Variants in NUDCD3 observed in about 807,000 individuals in gnomAD.
NUDCD3 encodes nudC domain-containing protein 3.
In NUDCD3, 13 loss-of-function variants were observed where a neutral mutation model predicts 39.7. The observed-to-expected ratio is 0.33, with a 90% CI of 0.21 to 0.52. The LOEUF is 0.52. NUDCD3 is among the 20% of genes least tolerant of loss of function. NUDCD3 has a pLI of 0.96. For synonymous variants in NUDCD3, 175 were observed against 172.4 expected (o/e 1.02, Z -0.12); for missense variants, 453 against 458.1 (o/e 0.99, Z 0.10).
At position 44,485,042 on chromosome 7, in the gene NUDCD3, A is replaced by G. The variant is rs755530160; in HGVS notation, c.435T>C (p.Gly145=). The change falls in exon 2 of 6, where the codon GGT becomes GGC. Residue 145 remains glycine, a synonymous_variant. Coordinates refer to ENST00000355451, the MANE Select transcript of NUDCD3 (RefSeq NM_015332.4). ...CTCCTGGAGCTTCTGCCTCCTGTGAACCATGGGCCATTTCCTTCACAGGGC... is the reference window on the plus strand; with the variant it reads ...CTCCTGGAGCTTCTGCCTCCTGTGAGCCATGGGCCATTTCCTTCACAGGGC... The part of the protein sequence containing the change: ...PPGPVKEMAH[G]SQEAEAPGAV... 1.1e-5 allele frequency: 17 copies of G among 1,614,082 alleles called. No individual in the cohort carries two copies. In the Admixed American group the frequency reaches 2.2e-4, roughly 21 times the overall value.
chr7:44,460,754 GAA>G (rs1354304515), intron 2 of NUDCD3, among the ~76,000 whole-genome samples: 1 of 152,126 alleles, frequency 6.6e-6, no homozygotes, highest in Non-Finnish European at 1.5e-5. Context: ...TGGGGGGAAA[GAA>G]AGAGAAAACA....
rs373686479 is a variant in NUDCD3, at chr7:44,488,080, T to C, written c.192+2329A>G. ...GGCCAGGCGCAGTGGCTCACACCTGTAATCCTAGCACTTTAGGAGGCCGAG... is the reference window on the plus strand; with the variant it reads ...GGCCAGGCGCAGTGGCTCACACCTGCAATCCTAGCACTTTAGGAGGCCGAG... On this transcript the variant is annotated intron_variant, in intron 1 of 5. Coordinates refer to ENST00000355451, the MANE Select transcript of NUDCD3 (RefSeq NM_015332.4). 5.9e-5 allele frequency among the ~76,000 whole-genome samples: 9 copies of C among 152,264 alleles called. No homozygotes were observed. In the East Asian group the frequency reaches 9.6e-4, roughly 16 times the overall value.
At chr7:44,461,900 C>T (rs1395470436) in intron 2 of NUDCD3, among the ~76,000 whole-genome samples, 2 of 151,966 alleles carry the variant, frequency 1.3e-5, no homozygotes, top group Non-Finnish European at 2.9e-5. Flanking sequence ...GGAGGTGGAC[C>T]GTGTAAAAGC....
At chr7:44,443,622 G>A (rs988419095) in intron 2 of NUDCD3, among the ~76,000 whole-genome samples, 2 of 152,140 alleles carry the variant, frequency 1.3e-5, no homozygotes, top group African/African-American at 4.8e-5. Context: ...TGTTGGCCAG[G>A]CTGGTCTCGA....
At chr7:44,396,127 T>TGTGTGTGTGTGTG (rs1563164537) in intron 4 of NUDCD3, among the ~76,000 whole-genome samples, 2 of 124,628 alleles carry the variant, frequency 1.6e-5, no homozygotes, top group Admixed American at 8.2e-5. Flanking sequence ...GTGTGTGTGT[T>TGTGTGTGTGTGTG]TAATTACAGC....
chr7:44,404,656 G>A (rs1798783960), intron 3 of NUDCD3, 73 bp from the exon 4 acceptor site: 1 of 1,533,522 alleles, frequency 6.5e-7, no homozygotes, highest in East Asian at 2.3e-5. Flanking sequence ...TGGGAGTGGT[G>A]ATGGTTTCCA....
In NUDCD3 at chr7:44,490,483, AGTCTGTCTTGCG is replaced by A; in HGVS notation, c.106_117del (p.Arg36_Asp39del). On this transcript the variant is annotated inframe_deletion, in exon 1 of 6. Transcript: ENST00000355451. ...GATGGGTGGCGCAGCAAGCGATAGA[AGTCTGTCTTGCG>A]GTAGAGGAAGCCAAAGAGAACGCGC... 6.2e-7 allele frequency: 1 copy of A among 1,608,038 alleles called. No homozygotes were observed.
At chr7:44,403,351 G>A (rs1244961942) in intron 4 of NUDCD3, among the ~76,000 whole-genome samples, 1 of 152,206 alleles carries the variant, frequency 6.6e-6, no homozygotes, top group Non-Finnish European at 1.5e-5. Flanking sequence ...CCCTGCTTAG[G>A]ATGAAACACT....
chr7:44,440,187 A>G (rs1799549689), intron 2 of NUDCD3, among the ~76,000 whole-genome samples: 1 of 152,238 alleles, frequency 6.6e-6, no homozygotes. Flanking sequence ...CGTCACAGTA[A>G]TAATTCATGT....
At chr7:44,451,603 C>T (rs770252299) in intron 2 of NUDCD3, among the ~76,000 whole-genome samples, 30 of 151,858 alleles carry the variant, frequency 2.0e-4, no homozygotes, top group African/African-American at 4.4e-4. Flanking sequence ...AAAACAGAGC[C>T]GTGGTTGCCT....
At chr7:44,479,022 A>G (rs900435073) in intron 2 of NUDCD3, among the ~76,000 whole-genome samples, 1 of 152,226 alleles carries the variant, frequency 6.6e-6, no homozygotes, top group Non-Finnish European at 1.5e-5. Context: ...AAGTAAACAC[A>G]TCCTTCTTCA....
chr7:44,458,905 T>C (rs1361448272), intron 2 of NUDCD3, among the ~76,000 whole-genome samples: 2 of 149,828 alleles, frequency 1.3e-5, no homozygotes, highest in Non-Finnish European at 3.0e-5. Context: ...CTCAGTATAC[T>C]GACACTGGCT....
intron 1 of NUDCD3, 151 bp downstream of exon 1, chr7:44,490,258 G>T: frequency 2.8e-6 from 2 of 724,400 alleles, no homozygotes; most frequent in South Asian, 2.0e-5. Context: ...TCCAATCCGC[G>T]CTTCAAATTA....
intron 2 of NUDCD3, among the ~76,000 whole-genome samples, chr7:44,438,189 C>T (rs529293756): frequency 5.9e-5 from 9 of 152,192 alleles, no homozygotes; most frequent in African/African-American, 1.9e-4. Flanking sequence ...GAGACCCCCC[C>T]ATCTCTTAAA....
intron 3 of NUDCD3, among the ~76,000 whole-genome samples, chr7:44,417,855 G>A (rs1235422673): frequency 6.6e-6 from 1 of 152,124 alleles, no homozygotes; most frequent in East Asian, 1.9e-4. Flanking sequence ...TATGATTCTA[G>A]AGGTCACCAG....
Position 44,475,236 on chromosome 7 carries a change from C to T in NUDCD3, c.509+9732G>A, listed in dbSNP as rs1304898761. Among the ~76,000 whole-genome samples, 4 of 151,924 alleles carry T rather than the reference C, an allele frequency of 2.6e-5. No individual in the cohort carries two copies. The East Asian group carries it at 5.8e-4, about 22-fold the overall frequency. ...AAGCAATTCTTCTGCCTCAGCTTCC[C>T]GAGTAGCTGGGACTACAGGCATGCA... On this transcript the variant is annotated intron_variant, in intron 2 of 5. Transcript: ENST00000355451.
chr7:44,481,858 C>A (rs1243766458), intron 2 of NUDCD3, among the ~76,000 whole-genome samples: 1 of 152,094 alleles, frequency 6.6e-6, no homozygotes, highest in Non-Finnish European at 1.5e-5. Flanking sequence ...GGAATTAGTG[C>A]CCTCATAAAA....
intron 2 of NUDCD3, among the ~76,000 whole-genome samples, chr7:44,471,560 A>G (rs1800259141): frequency 1.3e-5 from 2 of 152,220 alleles, no homozygotes; most frequent in South Asian, 4.1e-4. Flanking sequence ...GAAAAGACAC[A>G]CAAAGGACAG....
chr7:44,392,859 C>A lies in NUDCD3; in HGVS notation c.787-374G>T, dbSNP rs534134938. 6.6e-5 allele frequency among the ~76,000 whole-genome samples: 10 copies of A among 152,172 alleles called. No individual in the cohort carries two copies. The East Asian group carries it at 1.2e-3, about 18-fold the overall frequency. ...TTTTCCAAGACCCATGACACCCCCCCACACCAGGACCTGTCCTGGGCCAAC... is the reference window on the plus strand; with the variant it reads ...TTTTCCAAGACCCATGACACCCCCCAACACCAGGACCTGTCCTGGGCCAAC... On this transcript the variant is annotated intron_variant, in intron 4 of 5. Coordinates refer to ENST00000355451, the MANE Select transcript of NUDCD3 (RefSeq NM_015332.4).
Sources: gnomAD v4.1 joint callset for allele counts (sites outside exome capture counted in the v4.1 genomes callset) on GRCh38, gnomAD v4.1.1 for gene constraint, MANE v1.5 for transcripts, NCBI Gene and HGNC (gene_info 2026-07-23, HGNC 2026-07-21) for gene names.